The following KRT73 variants were observed in gnomAD, a reference collection of about 807,000 sequenced individuals.
The protein encoded by KRT73 is keratin 73, also known as keratin, type II cytoskeletal 73.
A neutral mutation model predicts 47.2 loss-of-function variants in KRT73; 44 were observed. The observed-to-expected ratio is 0.93, with a 90% CI of 0.73 to 1.20. KRT73 has a LOEUF of 1.20. Ranked by LOEUF, KRT73 falls within the 50% of genes most tolerant of loss-of-function variation. The probability of loss-of-function intolerance (pLI) is 0.00; values close to 1 mark genes in which losing one functional copy is unlikely to be tolerated. For synonymous variants in KRT73, 285 were observed against 291.3 expected, an observed-to-expected ratio of 0.98 and a Z score of 0.22; for missense variants, 713 against 704.5, an observed-to-expected ratio of 1.01 and a Z score of -0.14.
chr12:52,615,410 G>T, intron 2 of KRT73, 71 bp from the exon 3 acceptor site: 1 of 1,234,700 alleles, frequency 8.1e-7, no homozygotes, highest in Non-Finnish European at 1.2e-6. Flanking sequence ...ATAGTGAAAT[G>T]AGAAAAGAGA....
At position 52,608,364 on chromosome 12, in the gene KRT73, G is replaced by A. The variant is rs1940628324; in HGVS notation, c.1455C>T (p.Ser485=). Reference sequence around the variant, plus strand: ...GCATGCTGTAGCCCCCGCTGACAGAGCTGGGCCAGTAGCCGTAGGTGCCAG... The same window carrying A: ...GCATGCTGTAGCCCCCGCTGACAGAACTGGGCCAGTAGCCGTAGGTGCCAG... ...SNAGTYGYWP[S]SVSGGYSMLP... Residue 485 remains serine, a synonymous_variant, in exon 9 of 9, where the codon AGC becomes AGT. Coordinates refer to ENST00000305748, the MANE Select transcript of KRT73 (RefSeq NM_175068.3). 6.2e-7 allele frequency: 1 copy of A among 1,613,520 alleles called. No homozygotes were observed. Among genetic ancestry groups the A allele is most frequent in the Non-Finnish European group, 8.5e-7 (1 of 1,180,022 alleles).
rs1350207053 is a variant in KRT73 at position 52,608,019 on chromosome 12, C to T, written c.*177G>A. ...GAAAGATGGGCTCCAGCTCTCAAAT[C>T]CTGATTCAACATTAACAAAGACTGA... On this transcript the variant is annotated 3_prime_UTR_variant, in exon 9 of 9. Coordinates refer to ENST00000305748, the MANE Select transcript of KRT73 (RefSeq NM_175068.3). 5.2e-5 allele frequency: 35 copies of T among 672,466 alleles called. 1 individual carries two copies. In the South Asian group the frequency reaches 5.6e-4, roughly 11 times the overall value. The allele number at this position is 672,466 out of a possible 1,614,324, so 41.7% of individuals were successfully genotyped here. A position where few individuals can be genotyped will look rare whatever the true frequency, so the allele number is the denominator to read the frequency against.
At chr12:52,616,955 T>C (rs1324526479) in intron 1 of KRT73, among the ~76,000 whole-genome samples, 2 of 152,202 alleles carry the variant, frequency 1.3e-5, no homozygotes, top group African/African-American at 2.4e-5. Flanking sequence ...CATTCTCAAG[T>C]TGCAACCTAC....
chr12:52,611,517 G>T, intron 5 of KRT73, 188 bp from the exon 6 acceptor site: 1 of 623,964 alleles, frequency 1.6e-6, no homozygotes, highest in Non-Finnish European at 2.8e-6. Context: ...AAGCACAGCT[G>T]ATCTCATGGA....
chr12:52,616,475 C>T, intron 1 of KRT73, 95 bp from the exon 2 acceptor site: 3 of 1,477,972 alleles, frequency 2.0e-6, no homozygotes, highest in Non-Finnish European at 2.8e-6. Flanking sequence ...GCTACATTAG[C>T]TTTAAAAATG....
chr12:52,610,178 C>T (rs1312051179), intron 7 of KRT73: 2 of 197,742 alleles, frequency 1.0e-5, no homozygotes, highest in East Asian at 1.3e-4. Context: ...TGGGTTCAAG[C>T]GATTCTCCTG....
At chr12:52,611,065 A>C in intron 6 of KRT73, 139 bp downstream of exon 6, 1 of 1,138,412 alleles carries the variant, frequency 8.8e-7, no homozygotes, top group Non-Finnish European at 1.3e-6. Flanking sequence ...ATGGGAGCTA[A>C]GGGTGAGGGA....
chr12:52,621,912 T>A (rs666861), upstream of KRT73, among the ~76,000 whole-genome samples: 10,424 of 152,154 alleles, frequency 0.069, 827 homozygotes, highest in Admixed American at 0.16. Context: ...ACCCACTTGG[T>A]ACCAGTGGAG....
chr12:52,615,197 G>A (rs1940791243), intron 3 of KRT73, 82 bp downstream of exon 3: 2 of 1,219,168 alleles, frequency 1.6e-6, no homozygotes, highest in African/African-American at 1.5e-5. Context: ...CTTCTGCGGG[G>A]GGCTCAGACC....
At chr12:52,609,959 A>G (rs1940659298) in intron 7 of KRT73, 1 of 153,914 alleles carries the variant, frequency 6.5e-6, no homozygotes, top group African/African-American at 2.4e-5. Flanking sequence ...CTTTTGGGCT[A>G]AATAATGCTA....
chr12:52,618,536 C>T lies in KRT73; in HGVS notation c.-12G>A. ...AATTGGCGGCTCATGGTGGGGAGGC[C>T]AGAAAGTGGGGATAAGATGCTGACC... is the stretch of plus-strand genomic sequence containing the variant. On this transcript the variant is annotated 5_prime_UTR_variant, in exon 1 of 9. Coordinates refer to ENST00000305748, the MANE Select transcript of KRT73 (RefSeq NM_175068.3). 2 of 1,584,886 alleles carry T rather than the reference C, an allele frequency of 1.3e-6. No individual in the cohort carries two copies. Among genetic ancestry groups the T allele is most frequent in the South Asian group, 2.3e-5 (2 of 86,196 alleles).
chr12:52,612,974 G>A (rs887509859), intron 5 of KRT73: 2 of 152,272 alleles, frequency 1.3e-5, no homozygotes, highest in African/African-American at 4.8e-5. Flanking sequence ...GGACTGAAGA[G>A]TTGAGTTTGA....
chr12:52,614,839 C>A (rs972825485), intron 3 of KRT73, 165 bp from the exon 4 acceptor site: 134 of 584,520 alleles, frequency 2.3e-4, no homozygotes, highest in African/African-American at 2.3e-3. Context: ...AGACTCACTG[C>A]GAAACCTGGG....
intron 7 of KRT73, among the ~76,000 whole-genome samples, chr12:52,609,525 C>G (rs114197461): frequency 5.9e-4 from 90 of 152,320 alleles, no homozygotes; most frequent in African/African-American, 2.1e-3. Flanking sequence ...ATTACCACCC[C>G]CAAGGTCCCT....
chr12:52,610,475 G>A (rs1227603328), intron 7 of KRT73, 140 bp downstream of exon 7: 2 of 783,130 alleles, frequency 2.6e-6, no homozygotes, highest in African/African-American at 1.7e-5. Flanking sequence ...TTATCTGGCA[G>A]GATGCTGTTT....
At position 52,618,095 on chromosome 12, in the gene KRT73, C is replaced by A; in HGVS notation, c.430G>T (p.Ala144Ser). The A allele has an allele frequency of 1.2e-6, 2 of 1,613,616 alleles. No individual in the cohort carries two copies. Among genetic ancestry groups the A allele is most frequent in the Non-Finnish European group, 1.7e-6 (2 of 1,179,836 alleles). The stretch of plus-strand genomic sequence containing the variant: ...AGACCCACCTTGTCAATGAAGGAGG[C>A]GAACTTGTTGTTCAGCACCTTGATC... The part of the protein sequence containing the change: ...EQIKVLNNKF[A>S]SFIDKVRFLE... The change falls in exon 1 of 9, where the codon GCC (alanine) becomes TCC (serine). Residue 144 changes from alanine to serine, a missense_variant. Physicochemically the swap from Ala to Ser is moderately conservative, Grantham distance 99. Transcript: ENST00000305748.
At chr12:52,610,972 T>G (rs1467125566) in intron 6 of KRT73, 137 bp from the exon 7 acceptor site, 8 of 899,128 alleles carry the variant, frequency 8.9e-6, no homozygotes, top group Non-Finnish European at 1.3e-5. Context: ...CCAGGTGGAG[T>G]CCTGTCAACC....
upstream of KRT73, among the ~76,000 whole-genome samples, chr12:52,622,367 G>A (rs1195043677): frequency 6.6e-6 from 1 of 152,018 alleles, no homozygotes; most frequent in East Asian, 1.9e-4. Context: ...TTGTTTTATT[G>A]GAGAAGAGGA....
At chr12:52,610,538 C>T in intron 7 of KRT73, 77 bp downstream of exon 7, 1 of 225,004 alleles carries the variant, frequency 4.4e-6, no homozygotes, top group Non-Finnish European at 9.4e-6. Flanking sequence ...CGCCCCCTCC[C>T]CCCCGCCCCC....
Sources: allele counts gnomAD v4.1 joint callset (sites outside exome capture counted in the v4.1 genomes callset), GRCh38; gene constraint gnomAD v4.1.1; transcripts MANE v1.5; gene names NCBI Gene and HGNC (gene_info 2026-07-23, HGNC 2026-07-21).